Variants in HUWE1 observed in about 807,000 individuals in gnomAD.
HUWE1 encodes the protein E3 ubiquitin-protein ligase HUWE1.
In HUWE1, 18 loss-of-function variants were observed where a neutral mutation model predicts 299.4. The observed-to-expected ratio is 0.06, with a 90% confidence interval of 0.04 to 0.09. The LOEUF is 0.09. Among genes scored for constraint, HUWE1 ranks in the 10% least tolerant of loss-of-function variants. HUWE1 has a pLI of 1.00. For synonymous variants in HUWE1, 1,317 were observed against 1,286.1 expected, an observed-to-expected ratio of 1.02 and a Z score of -0.51; for missense variants, 1,832 against 3,462.3, an observed-to-expected ratio of 0.53 and a Z score of 11.82.
rs1746708694 is a variant in HUWE1 at position 53,589,780 on chromosome X, C to G, written c.4228G>C (p.Ala1410Pro). The G allele has an allele frequency of 8.3e-7, 1 of 1,210,160 alleles. No homozygotes were observed. The highest frequency in any genetic ancestry group is 1.1e-6 in the Non-Finnish European group (1 of 894,747). Residue 1410 changes from alanine to proline, a missense_variant, in exon 36 of 84, where the codon GCT becomes CCT. By Grantham distance (27) the Ala-to-Pro change is conservative. Around this residue, in one of 15 missense-constraint regions of HUWE1, gnomAD observed 658 missense variants for 1,282.6 expected, o/e 0.51. Transcript: ENST00000262854. Reference sequence around the variant, plus strand: ...TCTTCCTCCTCCTGCTTTTCCCGAGCTTTCCGTTCCTCTTCCTCCTTCCGG... The same window carrying G: ...TCTTCCTCCTCCTGCTTTTCCCGAGGTTTCCGTTCCTCTTCCTCCTTCCGG... ...ACRKEEEERK[A>P]REKQEEEEAK...
At chrX:53,650,923 C>T in intron 4 of HUWE1, among the ~76,000 whole-genome samples, 1 of 111,639 alleles carries the variant, frequency 9.0e-6, no homozygotes, top group African/African-American at 3.3e-5. Flanking sequence ...AGAGCAACCC[C>T]TTACAATCCA....
rs140769011 is a variant in HUWE1, at chrX:53,634,718, C to T, written c.505-420G>A. Among the ~76,000 whole-genome samples the T allele has an allele frequency of 2.5e-3, 276 of 112,585 alleles. 1 individual carries two copies. Among genetic ancestry groups the T allele is most frequent in the African/African-American group, 8.5e-3 (264 of 31,044 alleles). On this transcript the variant is annotated intron_variant, in intron 7 of 83. Transcript: ENST00000262854. The stretch of plus-strand genomic sequence containing the variant: ...TGAGGCTCTGCCTACTCACCTTCCG[C>T]ACTAGGGAGGAAAGCACTAGGGAGG...
At chrX:53,533,930 T>C in intron 83 of HUWE1, 77 bp downstream of exon 83, 1 of 985,058 alleles carries the variant, frequency 1.0e-6, no homozygotes, top group South Asian at 1.9e-5. Flanking sequence ...TTCCCAATCT[T>C]GGGTAGGGTC....
chrX:53,536,741 G>C (rs1478061512), intron 78 of HUWE1, 74 bp from the exon 79 acceptor site: 7 of 931,411 alleles, frequency 7.5e-6, no homozygotes, highest in South Asian at 2.1e-5. Context: ...GTGTGAGTGA[G>C]AGACTGTGAA....
In HUWE1 at chrX:53,584,352, A is replaced by G. The variant is rs1294979343; in HGVS notation, c.5002-7T>C. 1.7e-6 allele frequency: 2 copies of G among 1,195,964 alleles called. No individual in the cohort carries two copies. The highest frequency in any genetic ancestry group is 1.1e-6 in the Non-Finnish European group (1 of 883,572). On this transcript the variant is annotated splice_polypyrimidine_tract_variant and splice_region_variant and intron_variant, in intron 40 of 83. Coordinates refer to ENST00000262854, the MANE Select transcript of HUWE1 (RefSeq NM_031407.7). ...TCCCTGTTTCCTCATTAACCTAGGA[A>G]TTCAAACAGACATTAAAAAAACCTC... is the stretch of plus-strand genomic sequence containing the variant.
chrX:53,532,899 G>A lies in HUWE1; in HGVS notation c.*410C>T, dbSNP rs2060834194. The A allele has an allele frequency of 9.0e-6, 1 of 110,569 alleles. No individual in the cohort carries two copies. Among genetic ancestry groups the A allele is most frequent in the South Asian group, 3.8e-4 (1 of 2,653 alleles). 9.1% of individuals were successfully genotyped at this position (110,569 alleles called of 1,213,427 possible). On this transcript the variant is annotated 3_prime_UTR_variant, in exon 84 of 84. Coordinates refer to ENST00000262854, the MANE Select transcript of HUWE1 (RefSeq NM_031407.7). Reference sequence around the variant, plus strand: ...TCAACACATTCCAAGCACAAATTAAGAAATGCAAACAGAACAAAAAAATAT... The same window carrying A: ...TCAACACATTCCAAGCACAAATTAAAAAATGCAAACAGAACAAAAAAATAT...
intron 73 of HUWE1, 152 bp downstream of exon 73, chrX:53,543,689 C>T: frequency 1.2e-6 from 1 of 864,862 alleles, no homozygotes; most frequent in Non-Finnish European, 1.6e-6. Context: ...TAGGAAAACA[C>T]CAACAGAAAG....
intron 23 of HUWE1, among the ~76,000 whole-genome samples, chrX:53,611,188 T>TAAAAAAAAA (rs1204862205): frequency 1.6e-5 from 1 of 60,823 alleles, no homozygotes; most frequent in Non-Finnish European, 3.1e-5. Context: ...GCTGATTTTG[T>TAAAAAAAAA]AAAAAAAAAA....
chrX:53,656,566 A>AT (rs1360771184), intron 3 of HUWE1, among the ~76,000 whole-genome samples: 9 of 95,676 alleles, frequency 9.4e-5, no homozygotes, highest in Admixed American at 3.5e-4. Context: ...AAAAAAGAAA[A>AT]ATCAAAGCTC....
intron 23 of HUWE1, among the ~76,000 whole-genome samples, chrX:53,612,659 G>A (rs781997374): frequency 3.6e-5 from 4 of 111,757 alleles, no homozygotes; most frequent in African/African-American, 9.8e-5. Flanking sequence ...AAACTGTTGG[G>A]AGAACACAAG....
At chrX:53,537,815 G>A in intron 77 of HUWE1, 119 bp from the exon 78 acceptor site, 1 of 736,430 alleles carries the variant, frequency 1.4e-6, no homozygotes, top group Non-Finnish European at 2.0e-6. Flanking sequence ...TTTGATCTCT[G>A]CTCCACACCT....
chrX:53,542,334 C>A (rs2061379092), intron 74 of HUWE1, 109 bp downstream of exon 74: 1 of 588,751 alleles, frequency 1.7e-6, no homozygotes, highest in Non-Finnish European at 3.0e-6. Flanking sequence ...TTTACTGGAA[C>A]AAATGGGAAA....
At chrX:53,577,253 A>AAT (rs782321239) in intron 43 of HUWE1, among the ~76,000 whole-genome samples, 186 bp from the exon 44 acceptor site, 3 of 110,492 alleles carry the variant, frequency 2.7e-5, no homozygotes, top group Non-Finnish European at 5.7e-5. Context: ...CACAGGATTT[A>AAT]ATATAGCAGT....
chrX:53,621,366 TA>T (rs1557012252), intron 19 of HUWE1, among the ~76,000 whole-genome samples: 1 of 110,184 alleles, frequency 9.1e-6, no homozygotes, highest in East Asian at 2.8e-4. Context: ...CCCACTTGTT[TA>T]GGGGTAATCA....
At chrX:53,654,253 A>G in intron 3 of HUWE1, 122 bp from the exon 4 acceptor site, 1 of 500,757 alleles carries the variant, frequency 2.0e-6, no homozygotes, top group Non-Finnish European at 3.5e-6. Flanking sequence ...AAAACACTGG[A>G]GTTATGATGC....
At position 53,561,837 on chromosome X, in the gene HUWE1, C is replaced by A; in HGVS notation, c.7426G>T (p.Ala2476Ser). The change falls in exon 55 of 84, where the codon GCT becomes TCT. Residue 2476 changes from alanine (A) to serine (S), a missense_variant. Coordinates refer to ENST00000262854, the MANE Select transcript of HUWE1 (RefSeq NM_031407.7). ...ELDEDYPDMNASPLVRFERFD... is the reference protein window; with the variant it reads ...ELDEDYPDMNSSPLVRFERFD... ...CGCTCAAATCGGACCAAGGGAGAAGCGTTCATATCAGGATAATCCTCATCC... is the reference window on the plus strand; with the variant it reads ...CGCTCAAATCGGACCAAGGGAGAAGAGTTCATATCAGGATAATCCTCATCC... 8.3e-7 allele frequency: 1 copy of A among 1,211,547 alleles called. No individual in the cohort carries two copies. The highest frequency in any genetic ancestry group is 1.1e-6 in the Non-Finnish European group (1 of 895,455).
rs199846544 is a variant in HUWE1, at chrX:53,575,698, C to T, written c.5975G>A (p.Arg1992Gln). Reference protein sequence around the residue: ...DMGDDVYQQYRSLTRQSSDFD... With the variant: ...DMGDDVYQQYQSLTRQSSDFD... ...GTCACTGCTCTGACGCGTAAGTGAC[C>T]GGTACTGCTGGTATACATCATCACC... The change falls in exon 45 of 84, where the codon CGG becomes CAG. Residue 1992 changes from arginine to glutamine, a missense_variant. Coordinates refer to ENST00000262854, the MANE Select transcript of HUWE1 (RefSeq NM_031407.7). 14 of 1,209,267 alleles carry T rather than the reference C, an allele frequency of 1.2e-5. No homozygotes were observed. The highest frequency in any genetic ancestry group is 1.8e-5 in the South Asian group (1 of 56,794).
At chrX:53,556,715 T>C (rs1262686123) in intron 60 of HUWE1, among the ~76,000 whole-genome samples, 2 of 111,570 alleles carry the variant, frequency 1.8e-5, no homozygotes, top group Non-Finnish European at 3.8e-5. Context: ...CCTAGACTTT[T>C]AGATTCCATG....
chrX:53,578,864 GC>G (rs1421312947), intron 43 of HUWE1, among the ~76,000 whole-genome samples: 4 of 76,472 alleles, frequency 5.2e-5, no homozygotes, highest in East Asian at 9.5e-4. Context: ...TGGGGGGTCA[GC>G]CCCCCGCCCG....
Sources: allele counts gnomAD v4.1 joint callset (sites outside exome capture counted in the v4.1 genomes callset), GRCh38; gene constraint gnomAD v4.1.1; regional missense constraint gnomAD v4.1.1; transcripts MANE v1.5; gene names NCBI Gene and HGNC (gene_info 2026-07-23, HGNC 2026-07-21).